The following SLC8A3 variants were observed in gnomAD, a reference collection of about 807,000 sequenced individuals.
SLC8A3 encodes sodium/calcium exchanger 3.
Under a neutral mutation model 65.4 loss-of-function variants are expected in SLC8A3, and 37 were observed. That is an observed-to-expected ratio of 0.57 (90% CI 0.44 to 0.74). The LOEUF (loss-of-function observed/expected upper bound fraction) is 0.74, where lower values mean the gene tolerates loss of function less well. Ranked by LOEUF, SLC8A3 falls within the 30% of genes least tolerant of loss-of-function variation. SLC8A3 has a pLI of 0.00. For missense variants in SLC8A3, 1,112 were observed against 1,172.1 expected (o/e 0.95, Z 0.75); for synonymous variants, 461 against 444.5 (o/e 1.04, Z -0.47).
chr14:70,164,855 T>C (rs1040564997), intron 2 of SLC8A3, among the ~76,000 whole-genome samples: 1 of 152,240 alleles, frequency 6.6e-6, no homozygotes, highest in African/African-American at 2.4e-5. Flanking sequence ...TGAAGCCCTG[T>C]CCTTCATTTG....
intron 1 of SLC8A3, among the ~76,000 whole-genome samples, chr14:70,175,274 C>G (rs1897830196): frequency 6.6e-6 from 1 of 152,164 alleles, no homozygotes; most frequent in African/African-American, 2.4e-5. Context: ...ACTTTTATAT[C>G]TGTTATTTAA....
At chr14:70,158,939 G>T (rs2140335445) in intron 2 of SLC8A3, among the ~76,000 whole-genome samples, 1 of 152,298 alleles carries the variant, frequency 6.6e-6, no homozygotes, top group Admixed American at 6.5e-5. Flanking sequence ...CAAAGCATTT[G>T]ATTCTTGCAA....
intron 2 of SLC8A3, among the ~76,000 whole-genome samples, chr14:70,127,746 C>A (rs941184956): frequency 6.6e-6 from 1 of 152,010 alleles, no homozygotes; most frequent in Non-Finnish European, 1.5e-5. Flanking sequence ...GGGGATTTGC[C>A]CACAGTAGTG....
chr14:70,158,710 A>C (rs1327579208), intron 2 of SLC8A3, among the ~76,000 whole-genome samples: 1 of 152,194 alleles, frequency 6.6e-6, no homozygotes, highest in African/African-American at 2.4e-5. Context: ...AACTGAACTT[A>C]TATATATACA....
At chr14:70,076,304 TC>T (rs750421111) in intron 2 of SLC8A3, among the ~76,000 whole-genome samples, 16 of 152,288 alleles carry the variant, frequency 1.1e-4, no homozygotes, top group Admixed American at 4.6e-4. Flanking sequence ...TTTCCCTTTA[TC>T]TTGTTTATTT....
intron 2 of SLC8A3, among the ~76,000 whole-genome samples, chr14:70,105,410 G>C (rs1392846629): frequency 6.6e-6 from 1 of 152,102 alleles, no homozygotes; most frequent in African/African-American, 2.4e-5. Flanking sequence ...GTGAGAGAGG[G>C]AACATCAGGA....
chr14:70,051,977 C>G lies in SLC8A3; in HGVS notation c.2013+13G>C, dbSNP rs762761597. Reference sequence around the variant, plus strand: ...TTATTTATTATTCAATTAGACCTCACTGTTTGCCTGACCTTGAACTCATAG... The same window carrying G: ...TTATTTATTATTCAATTAGACCTCAGTGTTTGCCTGACCTTGAACTCATAG... On this transcript the variant is annotated intron_variant, in intron 4 of 6. Transcript: ENST00000356921. 5.6e-6 allele frequency: 9 copies of G among 1,611,432 alleles called. No individual in the cohort carries two copies. The Middle Eastern group carries it at 5.0e-4, about 89-fold the overall frequency.
chr14:70,157,484 C>A (rs1416911549), intron 2 of SLC8A3, among the ~76,000 whole-genome samples: 1 of 152,156 alleles, frequency 6.6e-6, no homozygotes, highest in Non-Finnish European at 1.5e-5. Context: ...CAGATTTCTT[C>A]TCTTGAAAAT....
At chr14:70,116,105 GA>G (rs1203611231) in intron 2 of SLC8A3, among the ~76,000 whole-genome samples, 2 of 152,160 alleles carry the variant, frequency 1.3e-5, no homozygotes, top group Non-Finnish European at 2.9e-5. Context: ...CCCACAAAGG[GA>G]GGTAGTGCTG....
At chr14:70,161,522 T>C (rs1178309750) in intron 2 of SLC8A3, among the ~76,000 whole-genome samples, 1 of 152,140 alleles carries the variant, frequency 6.6e-6, no homozygotes, top group Non-Finnish European at 1.5e-5. Context: ...AGTGGCTGAC[T>C]GTCTACCTAA....
At chr14:70,173,511 G>T (rs1203672890) in intron 1 of SLC8A3, among the ~76,000 whole-genome samples, 1 of 152,046 alleles carries the variant, frequency 6.6e-6, no homozygotes, top group Admixed American at 6.6e-5. Flanking sequence ...CCGTTCCTCC[G>T]CTCTTCCAGA....
intron 2 of SLC8A3, among the ~76,000 whole-genome samples, chr14:70,165,636 C>T (rs1227655056): frequency 6.6e-6 from 1 of 152,184 alleles, no homozygotes; most frequent in African/African-American, 2.4e-5. Flanking sequence ...GCTACAAATC[C>T]TGAGGAAAGT....
At chr14:70,173,825 C>T (rs998877167) in intron 1 of SLC8A3, among the ~76,000 whole-genome samples, 1 of 152,188 alleles carries the variant, frequency 6.6e-6, no homozygotes, top group Non-Finnish European at 1.5e-5. Flanking sequence ...GGCAATACTC[C>T]TCGAGAGACA....
intron 2 of SLC8A3, among the ~76,000 whole-genome samples, chr14:70,142,370 G>GA (rs1233688827): frequency 4.6e-5 from 7 of 152,180 alleles, no homozygotes; most frequent in Non-Finnish European, 1.0e-4. Flanking sequence ...TGGTGTAAAT[G>GA]AACCACTATT....
chr14:70,048,145 A>G (rs1364768345), intron 6 of SLC8A3: 1 of 159,952 alleles, frequency 6.3e-6, no homozygotes, highest in Non-Finnish European at 1.4e-5. Context: ...TAAGAAAAAG[A>G]AAGAGTATGT....
In SLC8A3 at chr14:70,166,832, T is replaced by G. The variant is rs777215434; in HGVS notation, c.1591A>C (p.Ile531Leu). The G allele has an allele frequency of 6.2e-7, 1 of 1,614,062 alleles. No individual in the cohort carries two copies. Among genetic ancestry groups the G allele is most frequent in the Admixed American group, 1.7e-5 (1 of 60,010 alleles). The change falls in exon 2 of 7, where the codon ATC becomes CTC. Residue 531 changes from isoleucine (I) to leucine (L), a missense_variant. Ile to Leu is a conservative substitution (Grantham distance 5, BLOSUM62 2). Coordinates refer to ENST00000356921, the MANE Select transcript of SLC8A3 (RefSeq NM_182932.3). ...VTILDDDHAG[I>L]FTFECDTIHV... ...ATAGTATCACATTCAAAAGTGAAGA[T>G]GCCTGCATGGTCATCATCCAAGATG...
At chr14:70,108,399 CAAA>C (rs764907002) in intron 2 of SLC8A3, among the ~76,000 whole-genome samples, 6 of 92,054 alleles carry the variant, frequency 6.5e-5, no homozygotes, top group Admixed American at 3.8e-4. Flanking sequence ...GACTCCGTCT[CAAA>C]AAAAAAAAAA....
At chr14:70,058,833 C>T (rs182144709) in intron 3 of SLC8A3, among the ~76,000 whole-genome samples, 3 of 152,274 alleles carry the variant, frequency 2.0e-5, no homozygotes, top group Non-Finnish European at 2.9e-5. Flanking sequence ...GTGCTGCTTT[C>T]GTTTGCATCT....
At chr14:70,090,543 T>A (rs1343033160) in intron 2 of SLC8A3, among the ~76,000 whole-genome samples, 5 of 152,192 alleles carry the variant, frequency 3.3e-5, no homozygotes, top group African/African-American at 1.2e-4. Context: ...CTTTCAGAGT[T>A]GAAATATAAA....
Sources: allele counts gnomAD v4.1 joint callset (sites outside exome capture counted in the v4.1 genomes callset), GRCh38; gene constraint gnomAD v4.1.1; transcripts MANE v1.5; gene names NCBI Gene and HGNC (gene_info 2026-07-23, HGNC 2026-07-21).